The following FMN1 variants were observed in gnomAD, a reference collection of about 807,000 sequenced individuals.
The protein encoded by FMN1 is formin 1.
A neutral mutation model predicts 132.4 loss-of-function variants in FMN1; 110 were observed. The observed-to-expected ratio is 0.83, with a 90% CI of 0.71 to 0.97. The LOEUF is 0.97. Ranked by LOEUF, FMN1 falls within the 50% of genes least tolerant of loss-of-function variation. FMN1 has a pLI of 0.00. For synonymous variants in FMN1, 722 were observed against 651.7 expected, an observed-to-expected ratio of 1.11 and a Z score of -1.64; for missense variants, 1,792 against 1,705.3, an observed-to-expected ratio of 1.05 and a Z score of -0.90.
chr15:33,091,174 T>G (rs2038888953), intron 4 of FMN1, among the ~76,000 whole-genome samples: 1 of 152,238 alleles, frequency 6.6e-6, no homozygotes, highest in Non-Finnish European at 1.5e-5. Flanking sequence ...GTAAGACATT[T>G]GTATCATCAG....
intron 7 of FMN1, among the ~76,000 whole-genome samples, chr15:32,977,218 A>G (rs1270747549): frequency 1.3e-5 from 2 of 152,240 alleles, no homozygotes; most frequent in Admixed American, 6.5e-5. Context: ...CCAGATGAAG[A>G]AAGAGAAGCA....
At position 33,067,472 on chromosome 15, in the gene FMN1, C is replaced by T. The variant is rs149265556; in HGVS notation, c.2044-2398G>A. 1.6e-4 allele frequency: 253 copies of T among 1,614,006 alleles called. No individual in the cohort carries two copies. In the African/African-American group the frequency reaches 2.8e-3, roughly 18 times the overall value. ...ACTGGTGGTGTGCACCAGGGTCCCA[C>T]GAACACAAATGACATCGTCTTTTGT... is the stretch of plus-strand genomic sequence containing the variant. On this transcript the variant is annotated intron_variant, in intron 5 of 20. Transcript: ENST00000616417.
chr15:32,974,724 C>T (rs1015479529), intron 7 of FMN1, among the ~76,000 whole-genome samples: 16 of 152,224 alleles, frequency 1.1e-4, no homozygotes, highest in African/African-American at 3.1e-4. Context: ...TGTTCTTAAT[C>T]CGTATTCTGC....
chr15:32,899,907 C>A (rs778525123), intron 14 of FMN1, 72 bp downstream of exon 14: 76 of 1,452,972 alleles, frequency 5.2e-5, no homozygotes, highest in Non-Finnish European at 6.9e-5. Flanking sequence ...ATCTGGAATA[C>A]GTTTTTTAAA....
At chr15:33,087,963 A>C (rs544740132) in intron 5 of FMN1, among the ~76,000 whole-genome samples, 4 of 152,316 alleles carry the variant, frequency 2.6e-5, no homozygotes, top group African/African-American at 9.6e-5. Context: ...TCAGGAATGG[A>C]AAACCAAACA....
At chr15:33,158,006 A>AAAG (rs1555410144) in intron 3 of FMN1, among the ~76,000 whole-genome samples, 115 of 150,460 alleles carry the variant, frequency 7.6e-4, no homozygotes, top group African/African-American at 2.8e-3. Context: ...AAAAAAAAAA[A>AAAG]AAAAGAAAAA....
At chr15:32,836,208 G>A (rs1439560441) in intron 17 of FMN1, among the ~76,000 whole-genome samples, 4 of 152,082 alleles carry the variant, frequency 2.6e-5, no homozygotes, top group Non-Finnish European at 5.9e-5. Flanking sequence ...TAGGAAGAAA[G>A]GGACTAGATT....
At chr15:33,014,186 G>C (rs1217303925) in intron 6 of FMN1, among the ~76,000 whole-genome samples, 1 of 152,190 alleles carries the variant, frequency 6.6e-6, no homozygotes, top group Non-Finnish European at 1.5e-5. Flanking sequence ...TCACAAGAGA[G>C]TAGTAAGAGA....
intron 19 of FMN1, among the ~76,000 whole-genome samples, chr15:32,786,702 C>T (rs1338482410): frequency 1.3e-5 from 2 of 152,144 alleles, no homozygotes; most frequent in African/African-American, 4.8e-5. Context: ...TTGAGGGCAA[C>T]GTTTTGATCT....
intron 7 of FMN1, among the ~76,000 whole-genome samples, chr15:32,983,323 T>G (rs569206511): frequency 6.6e-6 from 1 of 152,160 alleles, no homozygotes; most frequent in Non-Finnish European, 1.5e-5. Context: ...ACTGTACTGA[T>G]AGAAAACATC....
chr15:33,003,614 C>T (rs1348308758), intron 7 of FMN1, among the ~76,000 whole-genome samples: 1 of 152,174 alleles, frequency 6.6e-6, no homozygotes, highest in Admixed American at 6.5e-5. Context: ...AATGGCCATA[C>T]TGCCCAAGGT....
intron 6 of FMN1, among the ~76,000 whole-genome samples, chr15:33,014,195 G>A (rs1414466632): frequency 1.3e-5 from 2 of 152,240 alleles, no homozygotes; most frequent in South Asian, 4.1e-4. Flanking sequence ...AGTAGTAAGA[G>A]AATATAAAGG....
chr15:32,928,604 AAACT>A (rs1483387408), intron 9 of FMN1, among the ~76,000 whole-genome samples: 1 of 152,208 alleles, frequency 6.6e-6, no homozygotes, highest in African/African-American at 2.4e-5. Context: ...AGCATCACCT[AAACT>A]AACTGGAGTG....
chr15:32,970,291 A>G (rs1023123321), intron 7 of FMN1, among the ~76,000 whole-genome samples: 2 of 152,202 alleles, frequency 1.3e-5, no homozygotes, highest in Non-Finnish European at 2.9e-5. Flanking sequence ...TATTCATCCT[A>G]TTACAGTTAA....
rs2056301900 is a variant in FMN1 at position 32,773,041 on chromosome 15, TCTCCAGTC to T, written c.*1261_*1268del. 6.6e-6 allele frequency: 1 copy of T among 152,204 alleles called. No homozygotes were observed. The highest frequency in any genetic ancestry group is 1.5e-5 in the Non-Finnish European group (1 of 68,050). The allele number at this position is 152,204 out of a possible 1,614,324, so 9.4% of individuals were successfully genotyped here. A position where few individuals can be genotyped will look rare whatever the true frequency, so the allele number is the denominator to read the frequency against. Reference sequence around the variant, plus strand: ...AGTCTTTGATCATATTGTCCATTCATCTCCAGTCCTCTTTCTTCACCCCTCACAAGATT... The same window carrying T: ...AGTCTTTGATCATATTGTCCATTCATCTCTTTCTTCACCCCTCACAAGATT... On this transcript the variant is annotated 3_prime_UTR_variant, in exon 21 of 21. Coordinates refer to ENST00000616417, the MANE Select transcript of FMN1 (RefSeq NM_001277313.2).
In FMN1 at chr15:32,770,260, ACT is replaced by A. The variant is rs2056186495; in HGVS notation, c.*4048_*4049del. 1 of 152,154 alleles carries A rather than the reference ACT, an allele frequency of 6.6e-6. No homozygotes were observed. 9.4% of individuals were successfully genotyped at this position (152,154 alleles called of 1,614,324 possible). On this transcript the variant is annotated 3_prime_UTR_variant, in exon 21 of 21. Coordinates refer to ENST00000616417, the MANE Select transcript of FMN1 (RefSeq NM_001277313.2). ...GTGCATTGCTAATTCCCATTCACAC[ACT>A]GACTTGGCGCAATTTGCTGTGCTGT...
chr15:32,777,875 A>G (rs2056513367), intron 19 of FMN1, among the ~76,000 whole-genome samples: 1 of 3,602 alleles, frequency 2.8e-4, no homozygotes, highest in Admixed American at 0.012. Context: ...AATATATAAT[A>G]CATTATATAT....
intron 4 of FMN1, among the ~76,000 whole-genome samples, chr15:33,128,109 G>A (rs904942033): frequency 2.6e-5 from 4 of 152,240 alleles, no homozygotes; most frequent in Admixed American, 6.5e-5. Flanking sequence ...CAGAAGAAGG[G>A]AGAGGAGACA....
At chr15:32,847,122 A>G (rs17228864) in intron 17 of FMN1, among the ~76,000 whole-genome samples, 12,312 of 152,282 alleles carry the variant, frequency 0.081, 554 homozygotes, top group Middle Eastern at 0.13. Flanking sequence ...AGATTACCCA[A>G]TAACACCATC....
Sources: allele counts gnomAD v4.1 joint callset (sites outside exome capture counted in the v4.1 genomes callset), GRCh38; gene constraint gnomAD v4.1.1; transcripts MANE v1.5; gene names NCBI Gene and HGNC (gene_info 2026-07-23, HGNC 2026-07-21).